Variants in FBXW8 observed in about 807,000 individuals in gnomAD.
The protein encoded by FBXW8 is F-box and WD repeat domain containing 8.
In FBXW8, 57 loss-of-function variants were observed where a neutral mutation model predicts 65.3. The observed-to-expected ratio is 0.87, with a 90% confidence interval of 0.71 to 1.09. FBXW8 has a LOEUF of 1.09. FBXW8 is among the 50% of genes least tolerant of loss of function. The pLI, the probability that FBXW8 is intolerant of heterozygous loss-of-function variation, is 0.00. For synonymous variants in FBXW8, 308 were observed against 330.2 expected, an observed-to-expected ratio of 0.93 and a Z score of 0.73; for missense variants, 777 against 814.8, an observed-to-expected ratio of 0.95 and a Z score of 0.57.
chr12:117,021,919 G>A (rs1380262358), intron 8 of FBXW8, among the ~76,000 whole-genome samples: 5 of 152,140 alleles, frequency 3.3e-5, no homozygotes, highest in African/African-American at 7.2e-5. Flanking sequence ...CTGGTTTTTC[G>A]TTGATTCCCC....
intron 5 of FBXW8, among the ~76,000 whole-genome samples, chr12:116,980,615 A>G (rs966300396): frequency 1.3e-5 from 2 of 152,164 alleles, no homozygotes; most frequent in African/African-American, 2.4e-5. Flanking sequence ...AAATGAATTT[A>G]TATCAGATTT....
At chr12:117,010,653 T>C (rs1212556970) in intron 8 of FBXW8, among the ~76,000 whole-genome samples, 1 of 152,248 alleles carries the variant, frequency 6.6e-6, no homozygotes, top group Non-Finnish European at 1.5e-5. Flanking sequence ...CTGCTTCATT[T>C]CTGAAGCACC....
intron 5 of FBXW8, among the ~76,000 whole-genome samples, chr12:116,970,372 A>T (rs1372979065): frequency 6.6e-6 from 1 of 152,212 alleles, no homozygotes; most frequent in Non-Finnish European, 1.5e-5. Flanking sequence ...AAAGTGGCTT[A>T]TCCACCTCCG....
At chr12:116,933,973 G>A (rs1211410354) in intron 2 of FBXW8, among the ~76,000 whole-genome samples, 3 of 152,066 alleles carry the variant, frequency 2.0e-5, no homozygotes, top group Non-Finnish European at 4.4e-5. Flanking sequence ...GGATTTTAGT[G>A]AAATTGGGCC....
At chr12:116,976,472 T>TC (rs1491316393) in intron 5 of FBXW8, among the ~76,000 whole-genome samples, 1 of 98,162 alleles carries the variant, frequency 1.0e-5, no homozygotes, top group African/African-American at 2.9e-5. Context: ...TTTTTTTTTT[T>TC]CAAAACAGAG....
chr12:117,007,753 A>G (rs149526396), intron 7 of FBXW8, among the ~76,000 whole-genome samples: 228 of 152,282 alleles, frequency 1.5e-3, no homozygotes, highest in African/African-American at 5.1e-3. Flanking sequence ...AGCATGAATA[A>G]TTAATCTCAC....
At chr12:116,938,278 A>C (rs1355451970) in intron 2 of FBXW8, among the ~76,000 whole-genome samples, 1 of 152,180 alleles carries the variant, frequency 6.6e-6, no homozygotes, top group Non-Finnish European at 1.5e-5. Context: ...TTAATACCTA[A>C]TTGTGGATAC....
chr12:116,980,128 C>G (rs1054138028), intron 5 of FBXW8: 1 of 152,212 alleles, frequency 6.6e-6, no homozygotes, highest in Non-Finnish European at 1.5e-5. Context: ...GGAATGGGGA[C>G]AGCCACCTTT....
intron 5 of FBXW8, among the ~76,000 whole-genome samples, chr12:116,971,783 C>T (rs373876548): frequency 6.6e-6 from 1 of 151,640 alleles, no homozygotes; most frequent in East Asian, 1.9e-4. Flanking sequence ...TGTGGGATCT[C>T]GGTACCAGAA....
At chr12:117,025,477 C>T (rs1315118561) in intron 9 of FBXW8, among the ~76,000 whole-genome samples, 1 of 152,250 alleles carries the variant, frequency 6.6e-6, no homozygotes, top group Non-Finnish European at 1.5e-5. Context: ...GAGAACACAA[C>T]CTCTGAGCAG....
rs373066028 is a variant in FBXW8 at position 116,953,799 on chromosome 12, A to AAAAC, written c.677+4105_677+4108dup. On this transcript the variant is annotated intron_variant, in intron 4 of 10. Coordinates refer to ENST00000652555, the MANE Select transcript of FBXW8 (RefSeq NM_153348.3). ...AAAAAAAAAGACAAAAAAACAAAAC[A>AAAAC]AAACAAACAAACAAAAAACAAGAAA... Among the ~76,000 whole-genome samples the AAAAC allele has an allele frequency of 3.4e-5, 5 of 145,714 alleles. No individual in the cohort carries two copies. In the East Asian group the frequency reaches 1.1e-3, roughly 31 times the overall value.
At chr12:116,942,733 T>C (rs1308077773) in intron 2 of FBXW8, among the ~76,000 whole-genome samples, 3 of 151,856 alleles carry the variant, frequency 2.0e-5, no homozygotes, top group Non-Finnish European at 4.4e-5. Flanking sequence ...GGGAATTTTT[T>C]ATTTCAGTTC....
chr12:116,924,023 T>G (rs1408967862), intron 1 of FBXW8, among the ~76,000 whole-genome samples: 2 of 152,242 alleles, frequency 1.3e-5, no homozygotes, highest in Non-Finnish European at 2.9e-5. Context: ...CAAAATTACT[T>G]TCTCTAAATA....
At chr12:116,976,450 C>CTTTT (rs35364851) in intron 5 of FBXW8, among the ~76,000 whole-genome samples, 12 of 64,620 alleles carry the variant, frequency 1.9e-4, no homozygotes, top group Admixed American at 5.6e-4. Flanking sequence ...CCAAAGGATC[C>CTTTT]TTTTTTTTTT....
At chr12:116,998,181 T>G (rs1032780023) in intron 7 of FBXW8, among the ~76,000 whole-genome samples, 6 of 152,220 alleles carry the variant, frequency 3.9e-5, no homozygotes, top group Non-Finnish European at 8.8e-5. Flanking sequence ...TTAGCTTCCA[T>G]GCAGAACTAA....
intron 4 of FBXW8, among the ~76,000 whole-genome samples, chr12:116,954,881 T>A (rs1883535714): frequency 6.6e-6 from 1 of 152,132 alleles, no homozygotes. Flanking sequence ...CCTCCCCGTC[T>A]AACCTCCCTC....
chr12:116,956,163 C>G (rs1270253864), intron 4 of FBXW8, among the ~76,000 whole-genome samples: 1 of 151,896 alleles, frequency 6.6e-6, no homozygotes, highest in African/African-American at 2.4e-5. Context: ...TTTTTCATTA[C>G]TCCTAAATAT....
intron 9 of FBXW8, among the ~76,000 whole-genome samples, chr12:117,024,815 T>G (rs1340832569): frequency 6.6e-6 from 1 of 152,116 alleles, no homozygotes; most frequent in East Asian, 1.9e-4. Context: ...TGCTTAGACT[T>G]TCCTCATGCT....
chr12:116,988,478 C>G (rs946382424), intron 6 of FBXW8, among the ~76,000 whole-genome samples, 185 bp from the exon 7 acceptor site: 4 of 152,086 alleles, frequency 2.6e-5, no homozygotes, highest in Non-Finnish European at 5.9e-5. Flanking sequence ...TCTTATGTTT[C>G]TCTTATACTG....
Sources: allele counts gnomAD v4.1 joint callset (sites outside exome capture counted in the v4.1 genomes callset), GRCh38; gene constraint gnomAD v4.1.1; transcripts MANE v1.5; gene names NCBI Gene and HGNC (gene_info 2026-07-23, HGNC 2026-07-21).